KMO: variants seen among roughly 807,000 people sequenced by gnomAD.
KMO encodes the protein kynurenine 3-monooxygenase.
KMO carries 24 observed loss-of-function variants against 57.8 expected under a neutral mutation model. The observed-to-expected ratio is 0.42, with a 90% CI of 0.30 to 0.58. The LOEUF (loss-of-function observed/expected upper bound fraction) is 0.58, where lower values mean the gene tolerates loss of function less well. KMO is among the 20% of genes least tolerant of loss of function. The pLI, the probability that KMO is intolerant of heterozygous loss-of-function variation, is 0.22. For synonymous variants in KMO, 210 were observed against 193.6 expected, an observed-to-expected ratio of 1.08 and a Z score of -0.70; for missense variants, 483 against 588.2, an observed-to-expected ratio of 0.82 and a Z score of 1.85.
chr1:241,562,901 AGG>A (rs1661918401), intron 7 of KMO, among the ~76,000 whole-genome samples: 11 of 84,150 alleles, frequency 1.3e-4, no homozygotes, highest in African/African-American at 5.6e-4. Flanking sequence ...GAAGGAAGGA[AGG>A]AAGGAAGGAA....
At position 241,562,337 on chromosome 1, in the gene KMO, G is replaced by A. The variant is rs1469286695; in HGVS notation, c.615+5G>A. The A allele has an allele frequency of 6.2e-7, 1 of 1,613,598 alleles. No individual in the cohort carries two copies. The highest frequency in any genetic ancestry group is 8.5e-7 in the Non-Finnish European group (1 of 1,179,628). ...ATTCCACCTAAGAACGGAGATGTAA[G>A]TCCTTGCCCTTTTTCAACCCCTTCC... On this transcript the variant is annotated splice_donor_5th_base_variant and intron_variant, in intron 7 of 14. Transcript: ENST00000366559.
chr1:241,590,160 G>T, intron 13 of KMO, 44 bp from the exon 14 acceptor site: 1 of 1,608,630 alleles, frequency 6.2e-7, no homozygotes, highest in East Asian at 2.2e-5. Context: ...TTTCTGTTTA[G>T]CTGTTAAAGA....
chr1:241,555,706 C>T, intron 5 of KMO, 46 bp downstream of exon 5: 1 of 1,096,188 alleles, frequency 9.1e-7, no homozygotes, highest in Non-Finnish European at 1.4e-6. Flanking sequence ...GAGTAAAGCA[C>T]ATGACACTAA....
At chr1:241,555,713 C>G in intron 5 of KMO, 53 bp downstream of exon 5, 1 of 1,026,382 alleles carries the variant, frequency 9.7e-7, no homozygotes, top group South Asian at 1.3e-5. Flanking sequence ...GCACATGACA[C>G]TAATCTTGTC....
At chr1:241,543,213 C>T (rs1284497375) in intron 1 of KMO, among the ~76,000 whole-genome samples, 2 of 152,130 alleles carry the variant, frequency 1.3e-5, no homozygotes, top group East Asian at 3.8e-4. Context: ...ACTCGTCCCC[C>T]ACCCATTAGA....
chr1:241,549,233 GAAAGAAAGAAAGAAAGAAA>G (rs1449643846), intron 2 of KMO, among the ~76,000 whole-genome samples: 7 of 13,258 alleles, frequency 5.3e-4, no homozygotes, highest in South Asian at 0.02. Flanking sequence ...AAGAAAGAAA[GAAAGAAAGAAAGAAAGAAA>G]GAAAGAAAGA....
At chr1:241,577,352 G>T (rs1662560731) in intron 10 of KMO, among the ~76,000 whole-genome samples, 1 of 151,954 alleles carries the variant, frequency 6.6e-6, no homozygotes, top group Non-Finnish European at 1.5e-5. Context: ...CTTCTAATTT[G>T]GGTAGGCTAT....
intron 1 of KMO, among the ~76,000 whole-genome samples, chr1:241,543,971 C>T (rs11588309): frequency 1.3e-5 from 2 of 151,982 alleles, no homozygotes; most frequent in East Asian, 1.9e-4. Context: ...AGAAAAAGAA[C>T]GTAACAAACC....
chr1:241,586,502 G>A (rs761465474), intron 10 of KMO, 177 bp from the exon 11 acceptor site: 2 of 593,534 alleles, frequency 3.4e-6, no homozygotes, highest in Non-Finnish European at 6.1e-6. Context: ...GTCCAGGCCC[G>A]ATGGTCATTT....
Position 241,562,180 on chromosome 1 carries a change from C to G in KMO, c.463C>G (p.Pro155Ala). The change falls in exon 7 of 15, where the codon CCC becomes GCC. Residue 155 changes from proline to alanine, a missense_variant. Around this residue, in one of 3 missense-constraint regions of KMO, gnomAD observed 410 missense variants for 492.3 expected, o/e 0.83. Coordinates refer to ENST00000366559, the MANE Select transcript of KMO (RefSeq NM_003679.5). ...MITVLGSDKV[P>A]KDVTCDLIVG... ...TCTATTTTTCAGATCTGACAAAGTT[C>G]CCAAAGATGTCACTTGTGACCTCAT... The G allele has an allele frequency of 3.7e-6, 6 of 1,613,824 alleles. No homozygotes were observed. The highest frequency in any genetic ancestry group is 5.1e-6 in the Non-Finnish European group (6 of 1,179,890).
At position 241,533,928 on chromosome 1, in the gene KMO, G is replaced by C. The variant is rs1404994856; in HGVS notation, c.54+1430G>C. Among the ~76,000 whole-genome samples, 3 of 152,178 alleles carry C rather than the reference G, an allele frequency of 2.0e-5. No individual in the cohort carries two copies. In the South Asian group the frequency reaches 6.2e-4, roughly 32 times the overall value. On this transcript the variant is annotated intron_variant, in intron 1 of 14. Transcript: ENST00000366559. ...CTTGAGAAAGAGCATTTCAGGCAGA[G>C]GGAACAGCAGGAAGAGAAACCCTCA...
intron 11 of KMO, 56 bp downstream of exon 11, chr1:241,586,792 G>T: frequency 1.6e-6 from 2 of 1,229,158 alleles, no homozygotes; most frequent in Non-Finnish European, 2.3e-6. Context: ...ACTAATTGTG[G>T]GCTTATTTCT....
rs3034557 is a variant in KMO, at chr1:241,592,755, C to CATATATCTATCT, written c.*604_*605insATATCTATCTAT. On this transcript the variant is annotated 3_prime_UTR_variant, in exon 15 of 15. Coordinates refer to ENST00000366559, the MANE Select transcript of KMO (RefSeq NM_003679.5). ...ATCTATCATCTATCTATCTATCTAT[C>CATATATCTATCT]ATCTATCTATCTATCTATCTATCTA... 7.3e-6 allele frequency: 1 copy of CATATATCTATCT among 137,478 alleles called. No individual in the cohort carries two copies. The highest frequency in any genetic ancestry group is 2.6e-5 in the African/African-American group (1 of 38,690). The allele number at this position is 137,478 out of a possible 1,614,324, so 8.5% of individuals were successfully genotyped here.
Position 241,594,300 on chromosome 1 carries a change from G to T in KMO, c.*2147G>T. Reference sequence around the variant, plus strand: ...AGGCCCAAGAGCATATGGGCAATTCGGATTTCCTGCTGGACCACAAGGTTC... The same window carrying T: ...AGGCCCAAGAGCATATGGGCAATTCTGATTTCCTGCTGGACCACAAGGTTC... On this transcript the variant is annotated 3_prime_UTR_variant, in exon 15 of 15. Transcript: ENST00000366559. 9.4e-7 allele frequency: 1 copy of T among 1,064,514 alleles called. No individual in the cohort carries two copies. Among genetic ancestry groups the T allele is most frequent in the Non-Finnish European group, 1.4e-6 (1 of 738,972 alleles). 65.9% of individuals were successfully genotyped at this position (1,064,514 alleles called of 1,614,324 possible).
chr1:241,549,624 C>A, intron 2 of KMO, 53 bp from the exon 3 acceptor site: 1 of 1,196,620 alleles, frequency 8.4e-7, no homozygotes. Context: ...TTTGCTCATC[C>A]TGAGCTAGGA....
At chr1:241,576,527 G>A (rs1662525275) in intron 10 of KMO, among the ~76,000 whole-genome samples, 1 of 152,068 alleles carries the variant, frequency 6.6e-6, no homozygotes, top group South Asian at 2.1e-4. Flanking sequence ...ACTAAGTTTT[G>A]CTGGATATAA....
intron 10 of KMO, among the ~76,000 whole-genome samples, chr1:241,586,020 A>G (rs2147982906): frequency 6.6e-6 from 1 of 152,104 alleles, no homozygotes; most frequent in South Asian, 2.1e-4. Context: ...GAGTTTAAAT[A>G]TAATTCTAAA....
rs1364291980 is a variant in KMO, at chr1:241,592,240, C to G, written c.*87C>G. ...AATGTTTCCATTGCCATATTTGATT[C>G]ACTAGTGGAAGATAGTGTTCTGCTT... is the stretch of plus-strand genomic sequence containing the variant. On this transcript the variant is annotated 3_prime_UTR_variant, in exon 15 of 15. Transcript: ENST00000366559. 3 of 921,480 alleles carry G rather than the reference C, an allele frequency of 3.3e-6. No individual in the cohort carries two copies. Among genetic ancestry groups the G allele is most frequent in the African/African-American group, 1.6e-5 (1 of 60,996 alleles). 57.1% of individuals were successfully genotyped at this position (921,480 alleles called of 1,614,324 possible).
intron 1 of KMO, among the ~76,000 whole-genome samples, chr1:241,537,634 T>G (rs1316301618): frequency 6.6e-6 from 1 of 152,092 alleles, no homozygotes; most frequent in African/African-American, 2.4e-5. Context: ...GACTGGGCAA[T>G]TTATAAAGAA....
Sources: gnomAD v4.1 joint callset for allele counts (sites outside exome capture counted in the v4.1 genomes callset) on GRCh38, gnomAD v4.1.1 for gene constraint, gnomAD v4.1.1 regional missense constraint, MANE v1.5 for transcripts, NCBI Gene and HGNC (gene_info 2026-07-23, HGNC 2026-07-21) for gene names.